HEATR5A: variants seen among roughly 807,000 people sequenced by gnomAD.
HEATR5A encodes the protein HEAT repeat containing 5A.
A neutral mutation model predicts 218.8 loss-of-function variants in HEATR5A; 178 were observed. The observed-to-expected ratio is 0.81, with a 90% CI of 0.72 to 0.92. HEATR5A has a LOEUF of 0.92. Among genes scored for constraint, HEATR5A ranks in the 40% least tolerant of loss-of-function variants. The probability of loss-of-function intolerance (pLI) is 0.00; values close to 1 mark genes in which losing one functional copy is unlikely to be tolerated. For missense variants in HEATR5A, 2,420 were observed against 2,418.9 expected (o/e 1.00, Z -0.01); for synonymous variants, 864 against 871.6 (o/e 0.99, Z 0.15).
Position 31,394,659 on chromosome 14 carries a change from C to CA in HEATR5A, c.598-434dup, listed in dbSNP as rs532512006. ...TGGAACCCCGTCTCTACTAAAAATA[C>CA]AAAAAAAAATTAGCTGGGCATGGTG... is the stretch of plus-strand genomic sequence containing the variant. On this transcript the variant is annotated intron_variant, in intron 5 of 35. Transcript: ENST00000543095. Among the ~76,000 whole-genome samples, 1,337 of 151,024 alleles carry CA rather than the reference C, an allele frequency of 8.9e-3. 14 individuals carry two copies. Among genetic ancestry groups the CA allele is most frequent in the African/African-American group, 0.031 (1,257 of 41,198 alleles).
intron 14 of HEATR5A, among the ~76,000 whole-genome samples, chr14:31,362,605 A>AC (rs200918561): frequency 1.3e-5 from 1 of 77,142 alleles, no homozygotes; most frequent in East Asian, 3.6e-4. Flanking sequence ...TCTACAAATG[A>AC]CAAAAAAAAA....
chr14:31,295,471 C>G (rs1899154532), intron 34 of HEATR5A: 1 of 153,166 alleles, frequency 6.5e-6, no homozygotes, highest in Non-Finnish European at 1.4e-5. Context: ...CTCTCGGACT[C>G]CTGGCCTCAA....
chr14:31,294,785 T>C (rs1474574210), intron 34 of HEATR5A, among the ~76,000 whole-genome samples: 1 of 152,078 alleles, frequency 6.6e-6, no homozygotes, highest in Non-Finnish European at 1.5e-5. Flanking sequence ...CATACAACCT[T>C]GAAAGATATT....
chr14:31,387,528 C>T (rs1034816369), intron 7 of HEATR5A, among the ~76,000 whole-genome samples, 153 bp from the exon 8 acceptor site: 4 of 151,496 alleles, frequency 2.6e-5, no homozygotes, highest in Non-Finnish European at 1.5e-5. Flanking sequence ...AAACATAGCA[C>T]CATTTTGTTT....
At chr14:31,353,100 T>C (rs1759070914) in intron 16 of HEATR5A, among the ~76,000 whole-genome samples, 1 of 151,764 alleles carries the variant, frequency 6.6e-6, no homozygotes, top group South Asian at 2.1e-4. Flanking sequence ...GAAAAGCACA[T>C]TAAAAAAAAA....
At chr14:31,373,324 ATTAC>A (rs1902107733) in intron 12 of HEATR5A, among the ~76,000 whole-genome samples, 1 of 148,596 alleles carries the variant, frequency 6.7e-6, no homozygotes, top group Non-Finnish European at 1.5e-5. Context: ...ATGGTGAAAC[ATTAC>A]TTTTTTTTTT....
At chr14:31,311,018 AAACCAACCAACC>A (rs57787677) in intron 28 of HEATR5A, among the ~76,000 whole-genome samples, 38,211 of 148,642 alleles carry the variant, frequency 0.26, 5,878 homozygotes, top group African/African-American at 0.42. Context: ...CTGTCTCTAA[AAACCAACCAACC>A]AACCAACCAA....
intron 26 of HEATR5A, among the ~76,000 whole-genome samples, chr14:31,316,203 GCC>G (rs1340872430): frequency 6.6e-6 from 1 of 152,034 alleles, no homozygotes; most frequent in Non-Finnish European, 1.5e-5. Context: ...GATTGCATGA[GCC>G]CATGAGTGTG....
chr14:31,319,358 G>A (rs887334542), intron 25 of HEATR5A, among the ~76,000 whole-genome samples: 1 of 151,974 alleles, frequency 6.6e-6, no homozygotes. Context: ...TCACCATGTT[G>A]GCCAGGCTGG....
chr14:31,346,762 A>C (rs1464025610), intron 19 of HEATR5A, among the ~76,000 whole-genome samples: 1 of 152,210 alleles, frequency 6.6e-6, no homozygotes, highest in Admixed American at 6.5e-5. Context: ...GAGAGTTCGA[A>C]AGAAAAGGAC....
chr14:31,310,200 A>G (rs1432186619), intron 28 of HEATR5A, among the ~76,000 whole-genome samples: 1 of 150,480 alleles, frequency 6.6e-6, no homozygotes, highest in Non-Finnish European at 1.5e-5. Flanking sequence ...TACTGTATGT[A>G]TCCTTTTTTT....
chr14:31,361,939 G>GAAAT (rs1028710401), intron 14 of HEATR5A, among the ~76,000 whole-genome samples: 10 of 147,902 alleles, frequency 6.8e-5, no homozygotes, highest in African/African-American at 2.5e-4. Context: ...AATAAAATCA[G>GAAAT]AAATTTATTT....
At chr14:31,332,855 G>A (rs2094130) in intron 22 of HEATR5A, among the ~76,000 whole-genome samples, 67,917 of 151,548 alleles carry the variant, frequency 0.45, 15,522 homozygotes, top group Non-Finnish European at 0.51. Flanking sequence ...GCATGGTGGC[G>A]GGCACCTGTA....
intron 22 of HEATR5A, among the ~76,000 whole-genome samples, chr14:31,332,985 C>CAAA (rs34966796): frequency 1.6e-5 from 2 of 128,496 alleles, no homozygotes; most frequent in Admixed American, 8.1e-5. Context: ...GACTCCATCT[C>CAAA]AAAAAAAAAA....
At chr14:31,406,706 C>T (rs2139314656) in intron 1 of HEATR5A, among the ~76,000 whole-genome samples, 1 of 152,270 alleles carries the variant, frequency 6.6e-6, no homozygotes, top group East Asian at 1.9e-4. Flanking sequence ...GCTCATAATC[C>T]TAGCACTTTG....
At chr14:31,408,035 G>A (rs1444666823) in intron 1 of HEATR5A, among the ~76,000 whole-genome samples, 3 of 152,098 alleles carry the variant, frequency 2.0e-5, no homozygotes, top group South Asian at 2.1e-4. Flanking sequence ...AGTTATAAAG[G>A]TATTTAAATG....
At chr14:31,300,692 G>A (rs1899341464) in intron 33 of HEATR5A, among the ~76,000 whole-genome samples, 2 of 152,194 alleles carry the variant, frequency 1.3e-5, no homozygotes, top group Non-Finnish European at 2.9e-5. Flanking sequence ...TGGCTCCAGA[G>A]CTCCTCAGAC....
In HEATR5A at chr14:31,398,676, T is replaced by C. The variant is rs1331798706; in HGVS notation, c.444A>G (p.Ala148=). The C allele has an allele frequency of 2.7e-6, 4 of 1,464,596 alleles. No homozygotes were observed. Among genetic ancestry groups the C allele is most frequent in the Non-Finnish European group, 2.8e-6 (3 of 1,081,542 alleles). 90.7% of individuals were successfully genotyped at this position (1,464,596 alleles called of 1,614,324 possible). A position where few individuals can be genotyped will look rare whatever the true frequency, so the allele number is the denominator to read the frequency against. ...GGCTGAACTTGTAATTACTTACCTC[T>C]GCACTCTTCATAGCTTTAAGAATAT... The part of the protein sequence containing the change: ...VGNILKAMKS[A]ESQGRYEIML... Residue 148 remains alanine (A), a synonymous_variant, in exon 4 of 36, where the codon GCA becomes GCG. Transcript: ENST00000543095.
chr14:31,397,106 T>C (rs2030683506), intron 4 of HEATR5A, among the ~76,000 whole-genome samples: 2 of 152,230 alleles, frequency 1.3e-5, no homozygotes, highest in Admixed American at 1.3e-4. Context: ...GAGCAAATTT[T>C]CTCATCAGTT....
Sources: allele counts gnomAD v4.1 joint callset (sites outside exome capture counted in the v4.1 genomes callset), GRCh38; gene constraint gnomAD v4.1.1; transcripts MANE v1.5; gene names NCBI Gene and HGNC (gene_info 2026-07-23, HGNC 2026-07-21).